The following CSMD1 variants were observed in gnomAD, a reference collection of about 807,000 sequenced individuals.
CSMD1 encodes CUB and Sushi multiple domains 1.
CSMD1 carries 213 observed loss-of-function variants against 417.5 expected under a neutral mutation model. The observed-to-expected ratio is 0.51, with a 90% CI of 0.46 to 0.57. The LOEUF (loss-of-function observed/expected upper bound fraction) is 0.57, where lower values mean the gene tolerates loss of function less well. Among genes scored for constraint, CSMD1 ranks in the 20% least tolerant of loss-of-function variants. CSMD1 has a pLI of 0.00. For missense variants in CSMD1, 6,923 were observed against 4,529.7 expected, an observed-to-expected ratio of 1.53 and a Z score of -15.17; for synonymous variants, 2,862 against 1,736.8, an observed-to-expected ratio of 1.65 and a Z score of -16.11.
chr8:3,749,975 G>C (rs1357020709), intron 6 of CSMD1, among the ~76,000 whole-genome samples: 3 of 152,102 alleles, frequency 2.0e-5, no homozygotes, highest in East Asian at 1.9e-4. Flanking sequence ...TGGTAAAACA[G>C]TTTTCTAAAA....
At chr8:4,727,979 A>G (rs7463383) in intron 1 of CSMD1, among the ~76,000 whole-genome samples, 2 of 108,076 alleles carry the variant, frequency 1.9e-5, no homozygotes, top group Admixed American at 9.8e-5. Flanking sequence ...ATATATATGT[A>G]TATATATACA....
intron 3 of CSMD1, among the ~76,000 whole-genome samples, chr8:4,303,716 C>T (rs1054456129): frequency 2.6e-5 from 4 of 151,854 alleles, no homozygotes; most frequent in Non-Finnish European, 4.4e-5. Flanking sequence ...AGCTCACTGT[C>T]ATTATCTTGG....
intron 6 of CSMD1, among the ~76,000 whole-genome samples, chr8:3,714,117 A>G (rs1165854165): frequency 6.7e-6 from 1 of 150,336 alleles, no homozygotes; most frequent in Non-Finnish European, 1.5e-5. Flanking sequence ...TATAAAATAT[A>G]AGTATATAAC....
intron 23 of CSMD1, among the ~76,000 whole-genome samples, chr8:3,309,618 A>T (rs546209838): frequency 6.8e-6 from 1 of 147,364 alleles, no homozygotes; most frequent in African/African-American, 2.4e-5. Flanking sequence ...AATTTTGACA[A>T]TTGTAAAAGG....
chr8:4,208,570 C>G (rs184178376), intron 3 of CSMD1, among the ~76,000 whole-genome samples: 116 of 152,178 alleles, frequency 7.6e-4, no homozygotes, highest in African/African-American at 2.6e-3. Context: ...TTGACTCATT[C>G]TATTTTCTTT....
At chr8:3,949,848 T>C (rs1207031099) in intron 5 of CSMD1, 1 of 453,264 alleles carries the variant, frequency 2.2e-6, no homozygotes, top group Non-Finnish European at 4.4e-6. Context: ...ATTGAGGGGA[T>C]CCCTGGGGAC....
intron 54 of CSMD1, among the ~76,000 whole-genome samples, chr8:2,990,219 G>C (rs1165500053): frequency 2.0e-5 from 3 of 152,230 alleles, no homozygotes; most frequent in Admixed American, 6.5e-5. Flanking sequence ...ATGAGCAAGA[G>C]GCTGACACTA....
At chr8:4,422,624 T>C (rs1448373870) in intron 2 of CSMD1, among the ~76,000 whole-genome samples, 3 of 152,074 alleles carry the variant, frequency 2.0e-5, no homozygotes, top group Non-Finnish European at 4.4e-5. Context: ...ACTCCAGAAC[T>C]GTGAAAAAAT....
intron 1 of CSMD1, among the ~76,000 whole-genome samples, chr8:4,713,795 G>T (rs1290924543): frequency 6.6e-6 from 1 of 152,154 alleles, no homozygotes; most frequent in Non-Finnish European, 1.5e-5. Context: ...ATCATTCTAG[G>T]AGGGTGTCAT....
At chr8:3,225,866 G>C (rs1003543353) in intron 27 of CSMD1, among the ~76,000 whole-genome samples, 1 of 152,168 alleles carries the variant, frequency 6.6e-6, no homozygotes, top group Non-Finnish European at 1.5e-5. Context: ...TTTTAGATAG[G>C]ATTAGAATAG....
rs79630734 is a variant in CSMD1, at chr8:4,069,178, G to A, written c.416-37079C>T. Among the ~76,000 whole-genome samples, 489 of 152,266 alleles carry A rather than the reference G, an allele frequency of 3.2e-3. 6 individuals are homozygous for A. Among genetic ancestry groups the A allele is most frequent in the East Asian group, 0.023 (121 of 5,174 alleles). On this transcript the variant is annotated intron_variant, in intron 3 of 69. Transcript: ENST00000635120. ...TGCAAATATATACTATGATGGGTAG[G>A]CATAAAACCACATACTCTGATTGAG...
chr8:3,728,158 T>A (rs1802606102), intron 6 of CSMD1, among the ~76,000 whole-genome samples: 1 of 152,220 alleles, frequency 6.6e-6, no homozygotes. Context: ...AAATGAATCA[T>A]GGGTGCTGTT....
intron 32 of CSMD1, among the ~76,000 whole-genome samples, chr8:3,201,011 T>A (rs1796962569): frequency 6.6e-6 from 1 of 152,200 alleles, no homozygotes; most frequent in Non-Finnish European, 1.5e-5. Context: ...TGAATACCAT[T>A]CAGAACTCAG....
chr8:4,974,657 G>A (rs565724078), intron 1 of CSMD1, among the ~76,000 whole-genome samples: 5 of 152,250 alleles, frequency 3.3e-5, no homozygotes, highest in African/African-American at 1.2e-4. Context: ...TGGAAGGCAT[G>A]TACAAATAAT....
At chr8:4,171,422 G>C (rs556841490) in intron 3 of CSMD1, among the ~76,000 whole-genome samples, 3 of 151,796 alleles carry the variant, frequency 2.0e-5, no homozygotes, top group African/African-American at 7.3e-5. Context: ...TAATTACTTT[G>C]TAATACAATC....
intron 12 of CSMD1, among the ~76,000 whole-genome samples, chr8:3,464,949 G>A (rs1016090762): frequency 2.6e-5 from 4 of 152,008 alleles, no homozygotes; most frequent in Non-Finnish European, 5.9e-5. Flanking sequence ...TTGCTTAGGG[G>A]AAATTATCAA....
chr8:4,191,320 C>A (rs1394061153), intron 3 of CSMD1, among the ~76,000 whole-genome samples: 1 of 151,940 alleles, frequency 6.6e-6, no homozygotes, highest in African/African-American at 2.4e-5. Flanking sequence ...GGCGTGAACC[C>A]GGGAGGCAGA....
At chr8:3,925,056 C>T (rs914522913) in intron 5 of CSMD1, among the ~76,000 whole-genome samples, 3 of 152,168 alleles carry the variant, frequency 2.0e-5, no homozygotes, top group Non-Finnish European at 4.4e-5. Context: ...TGGGTCTCTG[C>T]ATCTGTTCTA....
At chr8:4,167,161 T>A (rs1187383711) in intron 3 of CSMD1, among the ~76,000 whole-genome samples, 1 of 152,220 alleles carries the variant, frequency 6.6e-6, no homozygotes, top group Non-Finnish European at 1.5e-5. Flanking sequence ...TCTACCTACT[T>A]CTGAAGTAGA....
Sources: allele counts gnomAD v4.1 joint callset (sites outside exome capture counted in the v4.1 genomes callset), GRCh38; gene constraint gnomAD v4.1.1; transcripts MANE v1.5; gene names NCBI Gene and HGNC (gene_info 2026-07-23, HGNC 2026-07-21).